The following DDHD2 variants were observed in gnomAD, a reference collection of about 807,000 sequenced individuals.
The protein encoded by DDHD2 is triacylglycerol hydrolase DDHD2.
Under a neutral mutation model 91.2 loss-of-function variants are expected in DDHD2, and 62 were observed. The ratio of observed to expected loss-of-function variants is 0.68; its 90% CI spans 0.55 to 0.84. DDHD2 has a LOEUF of 0.84. Among genes scored for constraint, DDHD2 ranks in the 40% least tolerant of loss-of-function variants. The probability of loss-of-function intolerance (pLI) is 0.00; values close to 1 mark genes in which losing one functional copy is unlikely to be tolerated. For synonymous variants in DDHD2, 271 were observed against 293.9 expected (o/e 0.92, Z 0.80); for missense variants, 740 against 846.9 (o/e 0.87, Z 1.57).
At chr8:38,270,624 A>G (rs1023289310) in intron 1 of DDHD2, 23 of 152,250 alleles carry the variant, frequency 1.5e-4, no homozygotes, top group African/African-American at 5.5e-4. Flanking sequence ...TATATAGGTC[A>G]TCTGACAGAT....
At position 38,231,687 on chromosome 8, in the gene DDHD2, A is replaced by G. The variant is rs1395352073; in HGVS notation, c.-181A>G. ...TTTTCGCCTGGCATCCGGGCCCGCT[A>G]CTCGCCCACTGGGAGCGCCGTGGCG... On this transcript the variant is annotated 5_prime_UTR_variant, in exon 1 of 18. Transcript: ENST00000397166. 6.6e-6 allele frequency: 1 copy of G among 151,804 alleles called. No individual in the cohort carries two copies. The highest frequency in any genetic ancestry group is 2.0e-4 in the East Asian group (1 of 5,126). 9.4% of individuals were successfully genotyped at this position (151,804 alleles called of 1,614,324 possible). A position where few individuals can be genotyped will look rare whatever the true frequency, so the allele number is the denominator to read the frequency against.
chr8:38,272,388 C>G (rs1808503368), downstream of DDHD2: 1 of 152,212 alleles, frequency 6.6e-6, no homozygotes, highest in African/African-American at 2.4e-5. Context: ...GTATCTCTCC[C>G]TGATTAGACA....
At chr8:38,247,459 T>G (rs1016472109) in intron 9 of DDHD2, 3 of 224,328 alleles carry the variant, frequency 1.3e-5, no homozygotes, top group African/African-American at 6.9e-5. Flanking sequence ...TCCTAATTTC[T>G]TAAGCACTGA....
chr8:38,245,072 A>T (rs1407089420), intron 7 of DDHD2, among the ~76,000 whole-genome samples: 1 of 151,550 alleles, frequency 6.6e-6, no homozygotes, highest in East Asian at 1.9e-4. Flanking sequence ...ATAATTACAA[A>T]CATGTTTTAA....
Position 38,246,317 on chromosome 8 carries a change from G to C in DDHD2, c.1125+17G>C. 1 of 1,585,610 alleles carries C rather than the reference G, an allele frequency of 6.3e-7. No homozygotes were observed. The highest frequency in any genetic ancestry group is 8.6e-7 in the Non-Finnish European group (1 of 1,159,576). The stretch of plus-strand genomic sequence containing the variant: ...AGTGAAAAGGTAATTTAGATGTTCA[G>C]CTAGGTTTTCTTGTAGTTTTCCTTA... On this transcript the variant is annotated intron_variant, in intron 9 of 17. Coordinates refer to ENST00000397166, the MANE Select transcript of DDHD2 (RefSeq NM_015214.3).
intron 1 of DDHD2, chr8:38,269,253 G>A: frequency 7.2e-7 from 1 of 1,385,082 alleles, no homozygotes; most frequent in East Asian, 3.0e-5. Flanking sequence ...CCGCGGGGAG[G>A]GCCGGGCCGG....
chr8:38,261,121 AT>A lies in DDHD2; in HGVS notation c.*549del, dbSNP rs1240453166. 1 of 152,196 alleles carries A rather than the reference AT, an allele frequency of 6.6e-6. No individual in the cohort carries two copies. The highest frequency in any genetic ancestry group is 1.5e-5 in the Non-Finnish European group (1 of 68,036). 9.4% of individuals were successfully genotyped at this position (152,196 alleles called of 1,614,324 possible). A position where few individuals can be genotyped will look rare whatever the true frequency, so the allele number is the denominator to read the frequency against. On this transcript the variant is annotated 3_prime_UTR_variant, in exon 18 of 18. Coordinates refer to ENST00000397166, the MANE Select transcript of DDHD2 (RefSeq NM_015214.3). ...ATTTTTGAACCTGCATTTCTTTCTT[AT>A]GTGTAGTGTATGAAGAAAGACTAGA...
chr8:38,267,691 A>G, downstream of DDHD2: 1 of 639,922 alleles, frequency 1.6e-6, no homozygotes, highest in Non-Finnish European at 2.7e-6. Flanking sequence ...TTGGTGGGAA[A>G]TGCTGTTCAG....
Position 38,253,693 on chromosome 8 carries a change from G to C in DDHD2, c.2029G>C (p.Ala677Pro). The C allele has an allele frequency of 6.2e-7, 1 of 1,613,912 alleles. No homozygotes were observed. Among genetic ancestry groups the C allele is most frequent in the Non-Finnish European group, 8.5e-7 (1 of 1,179,910 alleles). The change falls in exon 16 of 18, where the codon GCT becomes CCT. Residue 677 changes from alanine to proline, a missense_variant. Physicochemically the swap from Ala to Pro is conservative, Grantham distance 27. Coordinates refer to ENST00000397166, the MANE Select transcript of DDHD2 (RefSeq NM_015214.3). ...TGAAAGTTTTAATGAGTATTTATTT[G>C]CTTTACAAAGCCATCTATGCTACTG... Reference protein sequence around the residue: ...PIESFNEYLFALQSHLCYWES... With the variant: ...PIESFNEYLFPLQSHLCYWES...
intron 16 of DDHD2, chr8:38,255,367 G>A (rs769843364): frequency 1.0e-5 from 5 of 500,478 alleles, no homozygotes; most frequent in South Asian, 7.4e-5. Context: ...GATCTCTGGT[G>A]ATCTGGCTTG....
chr8:38,263,070 T>C (rs925723616), downstream of DDHD2: 1 of 152,226 alleles, frequency 6.6e-6, no homozygotes, highest in African/African-American at 2.4e-5. Flanking sequence ...AATGTTTTGC[T>C]TTACTAAAGT....
intron 1 of DDHD2, chr8:38,268,250 T>C (rs1025926499): frequency 8.3e-6 from 9 of 1,088,574 alleles, no homozygotes; most frequent in South Asian, 6.1e-5. Flanking sequence ...CCCGCGGGGA[T>C]AGAGTTCCTT....
chr8:38,248,694 C>T lies in DDHD2; in HGVS notation c.1248+859C>T, dbSNP rs190378194. Among the ~76,000 whole-genome samples the T allele has an allele frequency of 4.8e-3, 726 of 152,122 alleles. 25 individuals are homozygous for T. Among genetic ancestry groups the T allele is most frequent in the Admixed American group, 0.043 (653 of 15,262 alleles). ...GGGTGTGGTGGCTCATGCCTGTAAT[C>T]CCAGCACTTTGGGAGGCCGAGGTGG... On this transcript the variant is annotated intron_variant, in intron 10 of 17. Coordinates refer to ENST00000397166, the MANE Select transcript of DDHD2 (RefSeq NM_015214.3).
At chr8:38,239,706 A>AT (rs1403124529) in intron 5 of DDHD2, among the ~76,000 whole-genome samples, 2 of 139,524 alleles carry the variant, frequency 1.4e-5, no homozygotes, top group Admixed American at 7.3e-5. Flanking sequence ...AAAAACCATA[A>AT]TTTAAAAAAA....
chr8:38,234,139 T>C (rs989692789), intron 2 of DDHD2, among the ~76,000 whole-genome samples: 38 of 152,214 alleles, frequency 2.5e-4, no homozygotes, highest in African/African-American at 9.2e-4. Flanking sequence ...GGGGCACTGC[T>C]ATCTTTCCCC....
At chr8:38,237,682 G>T in intron 4 of DDHD2, 55 bp downstream of exon 4, 2 of 954,386 alleles carry the variant, frequency 2.1e-6, no homozygotes, top group Non-Finnish European at 1.6e-6. Flanking sequence ...CTATTAGGGA[G>T]AACTCAATTG....
chr8:38,256,632 A>G (rs146950487), intron 16 of DDHD2, among the ~76,000 whole-genome samples: 2 of 152,284 alleles, frequency 1.3e-5, no homozygotes, highest in East Asian at 1.9e-4. Flanking sequence ...TCAATAGCAT[A>G]TCCTTTTTAT....
intron 7 of DDHD2, among the ~76,000 whole-genome samples, chr8:38,243,661 C>CTT (rs943064240): frequency 6.7e-6 from 1 of 148,256 alleles, no homozygotes; most frequent in African/African-American, 2.5e-5. Context: ...CAGTTTGTAT[C>CTT]TTTTTTTTTT....
At position 38,233,191 on chromosome 8, in the gene DDHD2, A is replaced by T; in HGVS notation, c.197A>T (p.Gln66Leu). ...CCTTTCAACTCTGAGGATTCACAGC[A>T]GCTGGAAGAGGCATATAGCTCTGGT... ...WIPFNSEDSQ[Q>L]LEEAYSSGKG... Residue 66 changes from glutamine to leucine, a missense_variant, in exon 2 of 18, where the codon CAG becomes CTG. This residue lies in a region of DDHD2 where 693 missense variants were observed against 764.2 expected (regional missense o/e 0.91). Coordinates refer to ENST00000397166, the MANE Select transcript of DDHD2 (RefSeq NM_015214.3). 2 of 1,613,958 alleles carry T rather than the reference A, an allele frequency of 1.2e-6. No individual in the cohort carries two copies. Among genetic ancestry groups the T allele is most frequent in the South Asian group, 2.2e-5 (2 of 91,078 alleles).
Sources: gnomAD v4.1 joint callset for allele counts (sites outside exome capture counted in the v4.1 genomes callset) on GRCh38, gnomAD v4.1.1 for gene constraint, gnomAD v4.1.1 regional missense constraint, MANE v1.5 for transcripts, NCBI Gene and HGNC (gene_info 2026-07-23, HGNC 2026-07-21) for gene names.